ANO6: variants seen among roughly 807,000 people sequenced by gnomAD.
ANO6 encodes anoctamin-6.
Under a neutral mutation model 117.5 loss-of-function variants are expected in ANO6, and 106 were observed. The ratio of observed to expected loss-of-function variants is 0.90; its 90% CI spans 0.77 to 1.06. ANO6 has a LOEUF of 1.06. Ranked by LOEUF, ANO6 falls within the 50% of genes least tolerant of loss-of-function variation. The probability of loss-of-function intolerance (pLI) is 0.00; values close to 1 mark genes in which losing one functional copy is unlikely to be tolerated. For synonymous variants in ANO6, 367 were observed against 385.1 expected (o/e 0.95, Z 0.55); for missense variants, 955 against 1,121.1 (o/e 0.85, Z 2.12).
chr12:45,425,747 G>A (rs1021126888), intron 19 of ANO6, among the ~76,000 whole-genome samples: 1 of 152,270 alleles, frequency 6.6e-6, no homozygotes, highest in East Asian at 1.9e-4. Flanking sequence ...ATGAGAAAGA[G>A]GAAATACTCT....
chr12:45,357,449 C>G, intron 8 of ANO6, 25 bp downstream of exon 8: 2 of 1,612,502 alleles, frequency 1.2e-6, no homozygotes, highest in Non-Finnish European at 1.7e-6. Context: ...TTCCTTGTTG[C>G]CATGCTGAAA....
chr12:45,255,645 A>G (rs765987355), intron 1 of ANO6, among the ~76,000 whole-genome samples: 59 of 152,244 alleles, frequency 3.9e-4, no homozygotes, highest in African/African-American at 5.3e-4. Flanking sequence ...TTTTTGCTCA[A>G]TGAGAACTCT....
intron 2 of ANO6, among the ~76,000 whole-genome samples, chr12:45,326,437 A>T (rs959644042): frequency 1.3e-5 from 2 of 152,180 alleles, no homozygotes; most frequent in African/African-American, 4.8e-5. Context: ...CTAAAGAAAT[A>T]TGTGAGTCAA....
At chr12:45,423,148 G>A in intron 19 of ANO6, 86 bp downstream of exon 19, 1 of 965,698 alleles carries the variant, frequency 1.0e-6, no homozygotes, top group Non-Finnish European at 1.7e-6. Context: ...TACTTAACAT[G>A]TGTGATACTT....
intron 10 of ANO6, among the ~76,000 whole-genome samples, chr12:45,382,839 A>G (rs1317462791): frequency 6.6e-6 from 1 of 152,242 alleles, no homozygotes; most frequent in Non-Finnish European, 1.5e-5. Flanking sequence ...GAGAGTGTTA[A>G]TCTTTTTGCT....
chr12:45,388,748 C>T (rs934503278), intron 11 of ANO6, among the ~76,000 whole-genome samples: 1 of 152,076 alleles, frequency 6.6e-6, no homozygotes, highest in Non-Finnish European at 1.5e-5. Context: ...CACTGCTCCA[C>T]CTTCTGGTTG....
intron 2 of ANO6, among the ~76,000 whole-genome samples, chr12:45,318,334 C>G (rs1940125168): frequency 6.6e-6 from 1 of 152,204 alleles, no homozygotes. Context: ...TTTCAGCTCT[C>G]TACATATGGC....
intron 9 of ANO6, among the ~76,000 whole-genome samples, chr12:45,373,535 C>T (rs1391540967): frequency 6.6e-6 from 1 of 152,146 alleles, no homozygotes; most frequent in African/African-American, 2.4e-5. Context: ...TGCAATAAAA[C>T]TAGAACTCAG....
chr12:45,283,455 G>T (rs1353222660), intron 1 of ANO6, among the ~76,000 whole-genome samples: 1 of 152,180 alleles, frequency 6.6e-6, no homozygotes, highest in African/African-American at 2.4e-5. Flanking sequence ...GATGGGGAAA[G>T]GCAAAGTCCT....
At chr12:45,237,169 G>A (rs1037988626) in intron 1 of ANO6, among the ~76,000 whole-genome samples, 2 of 152,180 alleles carry the variant, frequency 1.3e-5, no homozygotes, top group African/African-American at 4.8e-5. Flanking sequence ...CTCCCATTCT[G>A]TAGGTTGCCT....
intron 10 of ANO6, among the ~76,000 whole-genome samples, chr12:45,381,295 CTT>C (rs1942162794): frequency 6.6e-6 from 1 of 152,158 alleles, no homozygotes; most frequent in African/African-American, 2.4e-5. Context: ...TTTCTCTTTT[CTT>C]ATTATATGTT....
intron 2 of ANO6, among the ~76,000 whole-genome samples, chr12:45,314,890 T>C (rs986730461): frequency 3.9e-5 from 6 of 152,010 alleles, no homozygotes; most frequent in African/African-American, 1.4e-4. Context: ...ACTATCACAG[T>C]GGATGTATTA....
intron 10 of ANO6, among the ~76,000 whole-genome samples, chr12:45,380,916 G>A (rs12321278): frequency 0.091 from 13,700 of 151,334 alleles, 1,066 homozygotes; most frequent in African/African-American, 0.21. Flanking sequence ...GCAGTGAGCC[G>A]AGATCACACT....
At chr12:45,332,655 A>G (rs1200154894) in intron 3 of ANO6, among the ~76,000 whole-genome samples, 1 of 152,050 alleles carries the variant, frequency 6.6e-6, no homozygotes, top group East Asian at 1.9e-4. Flanking sequence ...GTTCACGTCA[A>G]GGTCAAATGT....
intron 6 of ANO6, among the ~76,000 whole-genome samples, chr12:45,350,238 T>C (rs1488250021): frequency 6.6e-6 from 1 of 152,208 alleles, no homozygotes; most frequent in Admixed American, 6.5e-5. Flanking sequence ...GTTTTAGAAT[T>C]GACCCTGCTG....
intron 1 of ANO6, among the ~76,000 whole-genome samples, chr12:45,300,733 A>G (rs1194000194): frequency 6.6e-6 from 1 of 152,220 alleles, no homozygotes; most frequent in Non-Finnish European, 1.5e-5. Context: ...AGCTTACTTA[A>G]ATATTTAAGA....
At position 45,403,595 on chromosome 12, in the gene ANO6, C is replaced by A. The variant is rs944761017; in HGVS notation, c.1880+59C>A. The stretch of plus-strand genomic sequence containing the variant: ...GACAAGGGATAGAACAGCCCATCCA[C>A]ACAAATCATTTGCCTACATAGCCAC... On this transcript the variant is annotated intron_variant, in intron 15 of 19. Coordinates refer to ENST00000320560, the MANE Select transcript of ANO6 (RefSeq NM_001025356.3). 7 of 1,432,154 alleles carry A rather than the reference C, an allele frequency of 4.9e-6. No individual in the cohort carries two copies. In the South Asian group the frequency reaches 5.8e-5, roughly 12 times the overall value. The allele number at this position is 1,432,154 out of a possible 1,614,324, so 88.7% of individuals were successfully genotyped here. A position where few individuals can be genotyped will look rare whatever the true frequency, so the allele number is the denominator to read the frequency against.
intron 16 of ANO6, among the ~76,000 whole-genome samples, chr12:45,412,216 A>G (rs1273034516): frequency 6.6e-6 from 1 of 152,268 alleles, no homozygotes; most frequent in African/African-American, 2.4e-5. Context: ...TGGAAGCCAT[A>G]AATACTGTTT....
intron 2 of ANO6, among the ~76,000 whole-genome samples, chr12:45,315,545 T>C (rs1038194582): frequency 1.3e-5 from 2 of 152,002 alleles, no homozygotes; most frequent in Admixed American, 1.3e-4. Flanking sequence ...TCCGTTAGAT[T>C]CCTCAGAGCT....
Sources: gnomAD v4.1 joint callset for allele counts (sites outside exome capture counted in the v4.1 genomes callset) on GRCh38, gnomAD v4.1.1 for gene constraint, MANE v1.5 for transcripts, NCBI Gene and HGNC (gene_info 2026-07-23, HGNC 2026-07-21) for gene names.